LIMCH1: variants seen among roughly 807,000 people sequenced by gnomAD.
The protein encoded by LIMCH1 is LIM and calponin homology domains-containing protein 1.
LIMCH1 carries 113 observed loss-of-function variants against 176.5 expected under a neutral mutation model. That is an observed-to-expected ratio of 0.64 (90% confidence interval 0.55 to 0.75). The LOEUF is 0.75. LIMCH1 is among the 30% of genes least tolerant of loss of function. The pLI is 0.00. For missense variants in LIMCH1, 1,674 were observed against 1,814.9 expected (o/e 0.92, Z 1.41); for synonymous variants, 619 against 645.9 (o/e 0.96, Z 0.63).
chr4:41,360,869 C>A lies in LIMCH1; in HGVS notation c.29C>A (p.Ala10Asp). The change falls in exon 1 of 27, where the codon GCT (alanine) becomes GAT (aspartate). Residue 10 changes from alanine to aspartate, a missense_variant. Transcript: ENST00000313860. This position sits in a 1 kb window ranked among gnomAD's most constrained non-coding sequence, Gnocchi z 4.5. ...GCTTGTCCCGCTCTCGGTCTGGAAGCTCTTCAGCCCCTGCAGCCCGAGCCG... is the reference window on the plus strand; with the variant it reads ...GCTTGTCCCGCTCTCGGTCTGGAAGATCTTCAGCCCCTGCAGCCCGAGCCG... 1 of 1,580,232 alleles carries A rather than the reference C, an allele frequency of 6.3e-7. No individual in the cohort carries two copies. Among genetic ancestry groups the A allele is most frequent in the Non-Finnish European group, 8.6e-7 (1 of 1,166,520 alleles).
chr4:41,534,122 G>A (rs1217097093), upstream of LIMCH1, among the ~76,000 whole-genome samples: 2 of 152,148 alleles, frequency 1.3e-5, no homozygotes, highest in African/African-American at 4.8e-5. Context: ...CAAGATACCA[G>A]CAATAAAAGT....
intron 26 of LIMCH1, among the ~76,000 whole-genome samples, chr4:41,682,674 T>G (rs1230520606): frequency 1.6e-3 from 221 of 137,358 alleles, no homozygotes; most frequent in African/African-American, 5.6e-3. Flanking sequence ...TTTTTCTTCT[T>G]CTTCTTTTTT....
chr4:41,446,611 T>C (rs1238844049), intron 1 of LIMCH1, among the ~76,000 whole-genome samples: 1 of 152,198 alleles, frequency 6.6e-6, no homozygotes, highest in Non-Finnish European at 1.5e-5. Flanking sequence ...GCTGAGTAAG[T>C]GTTGGAAGAC....
intron 31 of LIMCH1, among the ~76,000 whole-genome samples, chr4:41,695,949 T>A (rs1472964676): frequency 6.6e-6 from 1 of 152,190 alleles, no homozygotes; most frequent in Non-Finnish European, 1.5e-5. Context: ...TTTTTCTTTC[T>A]TTTTTAAAAT....
At chr4:41,557,625 C>T (rs1174411029) in intron 1 of LIMCH1, among the ~76,000 whole-genome samples, 1 of 151,390 alleles carries the variant, frequency 6.6e-6, no homozygotes, top group East Asian at 1.9e-4. Context: ...GGTGAGCAGA[C>T]CCAGCACAAT....
At chr4:41,635,947 C>T (rs2093567123) in intron 13 of LIMCH1, among the ~76,000 whole-genome samples, 1 of 152,202 alleles carries the variant, frequency 6.6e-6, no homozygotes, top group South Asian at 2.1e-4. Context: ...GACAGGATCT[C>T]ACTCCATCAC....
intron 13 of LIMCH1, among the ~76,000 whole-genome samples, chr4:41,634,435 A>G (rs139024158): frequency 7.8e-4 from 119 of 152,336 alleles, no homozygotes; most frequent in Admixed American, 1.5e-3. Context: ...TGCATAATTT[A>G]TAAGCTCACC....
chr4:41,442,515 G>T (rs1355848318), intron 1 of LIMCH1, among the ~76,000 whole-genome samples: 1 of 152,198 alleles, frequency 6.6e-6, no homozygotes, highest in Non-Finnish European at 1.5e-5. Context: ...GGAATTAATT[G>T]GGTGTATAAC....
intron 5 of LIMCH1, among the ~76,000 whole-genome samples, chr4:41,614,300 T>G (rs985019670): frequency 6.6e-6 from 1 of 152,194 alleles, no homozygotes; most frequent in African/African-American, 2.4e-5. Flanking sequence ...AAATGATCAT[T>G]TTTCGTTACA....
At chr4:41,435,556 A>T (rs1163930163) in intron 1 of LIMCH1, among the ~76,000 whole-genome samples, 1 of 152,226 alleles carries the variant, frequency 6.6e-6, no homozygotes, top group Non-Finnish European at 1.5e-5. Flanking sequence ...ACTTAGAAAC[A>T]TTGAAGCTAC....
chr4:41,365,414 G>A (rs769779264), intron 1 of LIMCH1, among the ~76,000 whole-genome samples: 2 of 152,202 alleles, frequency 1.3e-5, no homozygotes, highest in African/African-American at 2.4e-5. Flanking sequence ...TGCTTGTGTT[G>A]TTTGGCAGTA....
At chr4:41,585,152 A>G (rs1291350183) in intron 1 of LIMCH1, among the ~76,000 whole-genome samples, 2 of 152,182 alleles carry the variant, frequency 1.3e-5, no homozygotes, top group African/African-American at 4.8e-5. Flanking sequence ...GAACTTTTTC[A>G]TCATCACAAA....
At position 41,541,187 on chromosome 4, in the gene LIMCH1, A is replaced by T. The variant is rs78506177; in HGVS notation, c.-241+2837A>T. Among the ~76,000 whole-genome samples, 209 of 152,376 alleles carry T rather than the reference A, an allele frequency of 1.4e-3. 4 individuals are homozygous for T. The East Asian group carries it at 0.025, about 18-fold the overall frequency. On this transcript the variant is annotated intron_variant, in intron 1 of 31. Coordinates refer to ENST00000503057, the MANE Select transcript of LIMCH1 (RefSeq NM_001330672.2). ...CAACCTGTGAAATGTAAAGAAGCAC[A>T]GGTAAGTAGTGAAAGAATGAAGGAA...
At chr4:41,635,273 G>A (rs2093526627) in intron 13 of LIMCH1, among the ~76,000 whole-genome samples, 1 of 147,666 alleles carries the variant, frequency 6.8e-6, no homozygotes. Flanking sequence ...TTGCTTTGTT[G>A]CCCAGACTGG....
chr4:41,385,243 C>T (rs1451203264), intron 1 of LIMCH1, among the ~76,000 whole-genome samples: 1 of 152,186 alleles, frequency 6.6e-6, no homozygotes, highest in African/African-American at 2.4e-5. Flanking sequence ...ATGGATTGAA[C>T]ATCTGTTTCT....
chr4:41,509,808 A>G (rs28411262), intron 2 of LIMCH1, among the ~76,000 whole-genome samples: 2,136 of 152,236 alleles, frequency 0.014, 49 homozygotes, highest in African/African-American at 0.046. Context: ...ATCCTCACCA[A>G]ATAAATAGCC....
chr4:41,676,708 C>G (rs990140845), intron 23 of LIMCH1, among the ~76,000 whole-genome samples: 3 of 152,092 alleles, frequency 2.0e-5, no homozygotes, highest in African/African-American at 7.2e-5. Context: ...AAAAACCCTC[C>G]AAGTATGGAT....
chr4:41,676,582 A>C (rs887019398), intron 23 of LIMCH1, 120 bp downstream of exon 23: 2 of 738,302 alleles, frequency 2.7e-6, no homozygotes, highest in African/African-American at 1.8e-5. Context: ...GAAGTTAGTG[A>C]GTCTCAAGTC....
Position 41,467,151 on chromosome 4 carries a change from G to GTATATATATA in LIMCH1, c.97-27377_97-27376insTATATATATA, listed in dbSNP as rs147016551. Among the ~76,000 whole-genome samples the GTATATATATA allele has an allele frequency of 3.6e-4, 22 of 60,792 alleles. 1 individual carries two copies. The highest frequency in any genetic ancestry group is 2.9e-3 in the African/African-American group (20 of 6,876). The allele number at this position is 60,792 out of a possible 152,430, so 39.9% of individuals were successfully genotyped here. ...AATATTCCCATATATATATGTGTAT[G>GTATATATATA]TATATATACACACACACACACACAC... On this transcript the variant is annotated intron_variant, in intron 1 of 26. Transcript: ENST00000313860.
Sources: gnomAD v4.1 joint callset for allele counts (sites outside exome capture counted in the v4.1 genomes callset) on GRCh38, gnomAD v4.1.1 for gene constraint, Gnocchi (gnomAD v3.1) non-coding constraint, MANE v1.5 for transcripts, NCBI Gene and HGNC (gene_info 2026-07-23, HGNC 2026-07-21) for gene names.